Variants in ARHGDIB observed in about 807,000 individuals in gnomAD.
ARHGDIB encodes rho GDP-dissociation inhibitor 2.
A neutral mutation model predicts 22.6 loss-of-function variants in ARHGDIB; 20 were observed. The observed-to-expected ratio is 0.88, with a 90% CI of 0.62 to 1.28. ARHGDIB has a LOEUF of 1.28. ARHGDIB is among the 50% of genes most tolerant of loss of function. ARHGDIB has a pLI of 0.00. For missense variants in ARHGDIB, 254 were observed against 245.4 expected (o/e 1.04, Z -0.23); for synonymous variants, 114 against 96.1 (o/e 1.19, Z -1.09).
chr12:14,949,426 A>T, intron 3 of ARHGDIB, among the ~76,000 whole-genome samples: 1 of 152,004 alleles, frequency 6.6e-6, no homozygotes, highest in East Asian at 1.9e-4. Flanking sequence ...TTTGTAGTGG[A>T]TAGAAGATCA....
At chr12:14,948,291 T>G (rs533703639) in intron 3 of ARHGDIB, among the ~76,000 whole-genome samples, 2 of 152,288 alleles carry the variant, frequency 1.3e-5, no homozygotes, top group East Asian at 3.9e-4. Flanking sequence ...CATTGAGAAT[T>G]ATATTACTGG....
Position 14,950,842 on chromosome 12 carries a change from C to T in ARHGDIB, c.-12-118G>A, listed in dbSNP as rs542535337. On this transcript the variant is annotated intron_variant, in intron 1 of 5. Transcript: ENST00000228945. ...ACTTCTCTGATCATCAGTCACTTTC[C>T]TGATTGTTTTCCTAATTCAATCTCA... The T allele has an allele frequency of 2.5e-4, 183 of 734,618 alleles. 1 individual carries two copies. The highest frequency in any genetic ancestry group is 2.1e-4 in the Non-Finnish European group (103 of 479,688). 45.5% of individuals were successfully genotyped at this position (734,618 alleles called of 1,614,324 possible).
chr12:14,948,817 ACT>A (rs1351188418), intron 3 of ARHGDIB: 1 of 152,292 alleles, frequency 6.6e-6, no homozygotes, highest in Non-Finnish European at 1.5e-5. Context: ...TATTAGGAAG[ACT>A]CTGAGTTCTG....
intron 3 of ARHGDIB, chr12:14,948,970 G>A (rs1864098640): frequency 6.6e-6 from 1 of 152,370 alleles, no homozygotes; most frequent in Admixed American, 6.5e-5. Flanking sequence ...TGACAAAAAA[G>A]CCCATATAAG....
intron 4 of ARHGDIB, 94 bp downstream of exon 4, chr12:14,947,779 C>G: frequency 8.6e-7 from 1 of 1,157,710 alleles, no homozygotes; most frequent in Non-Finnish European, 1.3e-6. Flanking sequence ...GAGAAACAAA[C>G]AAAAAGTACC....
chr12:14,942,975 T>A (rs548147927), intron 5 of ARHGDIB, among the ~76,000 whole-genome samples: 4 of 152,132 alleles, frequency 2.6e-5, no homozygotes, highest in South Asian at 4.1e-4. Flanking sequence ...TTCCAGTGAT[T>A]CTCCTGCCTC....
intron 2 of ARHGDIB, among the ~76,000 whole-genome samples, chr12:14,950,322 G>A (rs901198456): frequency 1.3e-5 from 2 of 152,178 alleles, no homozygotes; most frequent in African/African-American, 4.8e-5. Context: ...TGTGTTATGT[G>A]TGCCTATCTC....
chr12:14,951,166 G>A (rs1864167743), intron 1 of ARHGDIB: 1 of 153,244 alleles, frequency 6.5e-6, no homozygotes, highest in Admixed American at 6.5e-5. Context: ...AGAGAGGCAG[G>A]AGAGAGAAGA....
At chr12:14,945,623 G>T (rs1863995656) in intron 4 of ARHGDIB, among the ~76,000 whole-genome samples, 1 of 152,248 alleles carries the variant, frequency 6.6e-6, no homozygotes, top group East Asian at 1.9e-4. Context: ...TAGCCGAAGA[G>T]CTTGGTTATC....
intron 2 of ARHGDIB, 70 bp downstream of exon 2, chr12:14,950,462 C>G: frequency 6.9e-7 from 1 of 1,443,846 alleles, no homozygotes; most frequent in Non-Finnish European, 9.4e-7. Flanking sequence ...TGCTGCTGCT[C>G]CTGAGCAGCC....
At chr12:14,947,767 G>T in intron 4 of ARHGDIB, 106 bp downstream of exon 4, 1 of 991,972 alleles carries the variant, frequency 1.0e-6, no homozygotes, top group African/African-American at 1.6e-5. Context: ...GGGGTACTAG[G>T]GGAGAAACAA....
chr12:14,942,841 C>T (rs1863903206), intron 5 of ARHGDIB, 120 bp from the exon 6 acceptor site: 1 of 846,890 alleles, frequency 1.2e-6, no homozygotes, highest in Non-Finnish European at 1.8e-6. Context: ...GGTTTCCAAG[C>T]CTAAATAAAC....
At position 14,953,818 on chromosome 12, in the gene ARHGDIB, GCTCTCT is replaced by G. The variant is rs147117659; in HGVS notation, c.-12-3100_-12-3095del. Among the ~76,000 whole-genome samples, 1,320 of 146,498 alleles carry G rather than the reference GCTCTCT, an allele frequency of 9.0e-3. 14 individuals are homozygous for G. The highest frequency in any genetic ancestry group is 0.029 in the African/African-American group (1,135 of 39,560). On this transcript the variant is annotated intron_variant, in intron 1 of 5. Transcript: ENST00000228945. ...GAAGGTTGCTTTTTTGCTTTTGCTT[GCTCTCT>G]CTCTCTCTCTCTCTCTTTCTCTTTC...
At chr12:14,947,600 T>A (rs970442770) in intron 4 of ARHGDIB, 21 of 375,860 alleles carry the variant, frequency 5.6e-5, no homozygotes, top group Admixed American at 1.3e-4. Flanking sequence ...AAGCAGTGTG[T>A]GCCTCGAGGA....
intron 1 of ARHGDIB, among the ~76,000 whole-genome samples, chr12:14,954,294 C>A (rs1256361515): frequency 1.3e-5 from 2 of 152,164 alleles, no homozygotes; most frequent in East Asian, 1.9e-4. Flanking sequence ...TGGAGCTCCA[C>A]CAGATCATTG....
rs1565458904 is a variant in ARHGDIB at position 14,944,786 on chromosome 12, A to G, written c.396T>C (p.Thr132=). ...TGTGGGTTCCCTTACCTTTCACCCCAGTCCTGTAGGTGTGCTGAACGTATT... is the reference window on the plus strand; with the variant it reads ...TGTGGGTTCCCTTACCTTTCACCCCGGTCCTGTAGGTGTGCTGAACGTATT... ...GLKYVQHTYR[T]GVKVDKATFM... The change falls in exon 5 of 6, where the codon ACT becomes ACC. Residue 132 remains threonine, a synonymous_variant. Transcript: ENST00000228945. 14 of 1,613,510 alleles carry G rather than the reference A, an allele frequency of 8.7e-6. No homozygotes were observed. Among genetic ancestry groups the G allele is most frequent in the Non-Finnish European group, 1.1e-5 (13 of 1,179,680 alleles).
chr12:14,953,835 C>T (rs1244384691), intron 1 of ARHGDIB, among the ~76,000 whole-genome samples: 1 of 149,816 alleles, frequency 6.7e-6, no homozygotes, highest in East Asian at 1.9e-4. Flanking sequence ...CTCTCTCTCT[C>T]TCTCTTTCTC....
intron 3 of ARHGDIB, among the ~76,000 whole-genome samples, 161 bp from the exon 4 acceptor site, chr12:14,948,110 A>ACACACACT: frequency 8.5e-6 from 1 of 117,474 alleles, no homozygotes; most frequent in Non-Finnish European, 2.1e-5. Flanking sequence ...GCACACACAC[A>ACACACACT]CACACACACA....
rs7973855 is a variant in ARHGDIB, at chr12:14,942,776, A to G, written c.407-55T>C. On this transcript the variant is annotated intron_variant, in intron 5 of 5. Coordinates refer to ENST00000228945, the MANE Select transcript of ARHGDIB (RefSeq NM_001175.7). ...AGAGCCTGATAGAGGAAAAACATAC[A>G]CTGCAAACTGGAGAATCTGGACTAC... is the stretch of plus-strand genomic sequence containing the variant. 1.1e-3 allele frequency: 1,669 copies of G among 1,460,476 alleles called. 20 individuals are homozygous for G. In the African/African-American group the frequency reaches 0.022, roughly 19 times the overall value. 90.5% of individuals were successfully genotyped at this position (1,460,476 alleles called of 1,614,324 possible).
Sources: gnomAD v4.1 joint callset for allele counts (sites outside exome capture counted in the v4.1 genomes callset) on GRCh38, gnomAD v4.1.1 for gene constraint, MANE v1.5 for transcripts, NCBI Gene and HGNC (gene_info 2026-07-23, HGNC 2026-07-21) for gene names.